CFAP95: variants seen among roughly 807,000 people sequenced by gnomAD.
CFAP95 encodes cilia and flagella associated protein 95.
At chr9:69,903,126 C>T in the CFAP95 span, among the ~76,000 whole-genome samples, 2 of 152,320 alleles carry the variant, frequency 1.3e-5, no homozygotes, top group South Asian at 4.1e-4. Flanking sequence ...TTCTTACTGA[C>T]TGTCAGATGT....
chr9:69,866,346 CT>C, the CFAP95 span, among the ~76,000 whole-genome samples: 1 of 152,174 alleles, frequency 6.6e-6, no homozygotes, highest in Admixed American at 6.5e-5. Flanking sequence ...GTGCAATTCA[CT>C]TAGAGTCTGA....
chr9:69,851,731 G>T, the CFAP95 span, among the ~76,000 whole-genome samples: 1 of 152,080 alleles, frequency 6.6e-6, no homozygotes, highest in Non-Finnish European at 1.5e-5. Flanking sequence ...AGCCAGGTGT[G>T]GTGGTGCACG....
chr9:69,869,642 G>C, the CFAP95 span, among the ~76,000 whole-genome samples: 1 of 152,060 alleles, frequency 6.6e-6, no homozygotes, highest in Admixed American at 6.5e-5. Context: ...AGATGGATAT[G>C]TTAATTAGCT....
At chr9:69,857,350 C>T in the CFAP95 span, among the ~76,000 whole-genome samples, 21 of 152,280 alleles carry the variant, frequency 1.4e-4, no homozygotes, top group African/African-American at 5.1e-4. Flanking sequence ...GTGTATGACA[C>T]ATAGCCTTTG....
At chr9:69,871,640 T>C in the CFAP95 span, among the ~76,000 whole-genome samples, 518 of 151,530 alleles carry the variant, frequency 3.4e-3, 1 homozygote, top group African/African-American at 0.011. Flanking sequence ...TAAAGCAGAC[T>C]TGAGATTGAT....
chr9:69,821,128 A>T, the CFAP95 span: 1 of 1,419,178 alleles, frequency 7.0e-7, no homozygotes. Flanking sequence ...GAGAGAGGGG[A>T]CAGGAGTGGA....
the CFAP95 span, among the ~76,000 whole-genome samples, chr9:69,868,074 T>C: frequency 6.6e-6 from 1 of 152,192 alleles, no homozygotes; most frequent in East Asian, 1.9e-4. Flanking sequence ...ATATTAAGCC[T>C]ATAGGTATAG....
chr9:69,878,431 C>A, the CFAP95 span, among the ~76,000 whole-genome samples: 1 of 152,216 alleles, frequency 6.6e-6, no homozygotes, highest in African/African-American at 2.4e-5. Flanking sequence ...TCCTGTCTTC[C>A]ATATAATCCC....
the CFAP95 span, chr9:69,906,106 C>T: frequency 1.2e-6 from 2 of 1,609,720 alleles, no homozygotes; most frequent in South Asian, 2.2e-5. Context: ...AACTCTATCC[C>T]TTGACTAGTG....
the CFAP95 span, among the ~76,000 whole-genome samples, chr9:69,862,011 T>C: frequency 6.6e-6 from 1 of 152,220 alleles, no homozygotes. Context: ...TTAATATTTG[T>C]TGCAATTGTT....
the CFAP95 span, among the ~76,000 whole-genome samples, chr9:69,849,508 TA>T: frequency 6.6e-6 from 1 of 152,132 alleles, no homozygotes; most frequent in Non-Finnish European, 1.5e-5. Context: ...TGCCTGTATA[TA>T]AGGAACTCAT....
the CFAP95 span, among the ~76,000 whole-genome samples, chr9:69,861,850 AT>A: frequency 1.0e-5 from 1 of 98,324 alleles, no homozygotes; most frequent in South Asian, 3.7e-4. Flanking sequence ...TATCAGAGTT[AT>A]CAGAGACTTG....
the CFAP95 span, among the ~76,000 whole-genome samples, chr9:69,870,358 CCTAA>C: frequency 6.6e-6 from 1 of 152,112 alleles, no homozygotes; most frequent in Non-Finnish European, 1.5e-5. Flanking sequence ...TAACAGGAAA[CCTAA>C]CTAATAGCAG....
chr9:69,835,265 A>G, the CFAP95 span, among the ~76,000 whole-genome samples: 1 of 152,224 alleles, frequency 6.6e-6, no homozygotes, highest in East Asian at 1.9e-4. Context: ...GTCTTAACTA[A>G]ACATTTTAAA....
At chr9:69,867,057 T>C in the CFAP95 span, among the ~76,000 whole-genome samples, 1 of 152,216 alleles carries the variant, frequency 6.6e-6, no homozygotes, top group Admixed American at 6.5e-5. Context: ...TATCTCTCCT[T>C]AGCTGATGTA....
the CFAP95 span, among the ~76,000 whole-genome samples, chr9:69,882,556 G>A: frequency 5.3e-5 from 8 of 152,184 alleles, no homozygotes; most frequent in East Asian, 1.9e-4. Flanking sequence ...CAGTTTTTCT[G>A]CATTCAGTAT....
chr9:69,893,797 C>T, the CFAP95 span, among the ~76,000 whole-genome samples: 1 of 152,130 alleles, frequency 6.6e-6, no homozygotes, highest in Non-Finnish European at 1.5e-5. Context: ...CATTTTAGTG[C>T]TATTTTATTT....
the CFAP95 span, among the ~76,000 whole-genome samples, chr9:69,876,667 C>T: frequency 7.2e-5 from 11 of 152,010 alleles, no homozygotes; most frequent in Middle Eastern, 3.4e-3. Context: ...TGGAGTCTTG[C>T]GCTGTCTCCC....
chr9:69,844,431 T>A, the CFAP95 span: 2 of 771,300 alleles, frequency 2.6e-6, no homozygotes, highest in African/African-American at 1.8e-5. Flanking sequence ...ATATAGAAAA[T>A]TTTCATTGGA....
Sources: allele counts gnomAD v4.1 joint callset (sites outside exome capture counted in the v4.1 genomes callset), GRCh38; gene constraint gnomAD v4.1.1; transcripts MANE v1.5; gene names NCBI Gene and HGNC (gene_info 2026-07-23, HGNC 2026-07-21).